Variants in CDH15 observed in about 807,000 individuals in gnomAD.
The protein encoded by CDH15 is cadherin 15.
In CDH15, 73 loss-of-function variants were observed where a neutral mutation model predicts 69.4. The ratio of observed to expected loss-of-function variants is 1.05; its 90% CI spans 0.87 to 1.28. The LOEUF is 1.28. Among genes scored for constraint, CDH15 ranks in the 50% most tolerant of loss-of-function variants. CDH15 has a pLI of 0.00. For synonymous variants in CDH15, 624 were observed against 507.7 expected (o/e 1.23, Z -3.08); for missense variants, 1,343 against 1,133.6 (o/e 1.18, Z -2.65).
At chr16:89,175,958 G>A (rs72819354) in intron 1 of CDH15, among the ~76,000 whole-genome samples, 6,819 of 152,344 alleles carry the variant, frequency 0.045, 285 homozygotes, top group East Asian at 0.17. Context: ...TGCCTGTGGG[G>A]ACCTCTGTGT....
chr16:89,186,739 C>T (rs565452903), intron 5 of CDH15, among the ~76,000 whole-genome samples: 17 of 148,720 alleles, frequency 1.1e-4, no homozygotes, highest in African/African-American at 3.7e-4. Flanking sequence ...GCTCACCCAG[C>T]GCACAGAAGG....
intron 1 of CDH15, among the ~76,000 whole-genome samples, chr16:89,175,766 C>A (rs956075015): frequency 6.6e-6 from 1 of 152,226 alleles, no homozygotes; most frequent in South Asian, 2.1e-4. Context: ...CAGAGAGCTT[C>A]CCCGGCAGGG....
chr16:89,178,291 T>A (rs1215620956), intron 1 of CDH15, among the ~76,000 whole-genome samples: 1 of 152,002 alleles, frequency 6.6e-6, no homozygotes. Context: ...GCACAGCATC[T>A]CCCTCTGCAC....
At position 89,191,672 on chromosome 16, in the gene CDH15, G is replaced by A. The variant is rs907794694; in HGVS notation, c.1393G>A (p.Ala465Thr). 3.8e-6 allele frequency: 6 copies of A among 1,594,466 alleles called. No individual in the cohort carries two copies. Among genetic ancestry groups the A allele is most frequent in the South Asian group, 1.1e-5 (1 of 89,866 alleles). The change falls in exon 10 of 14, where the codon GCC becomes ACC. Residue 465 changes from alanine to threonine, a missense_variant. Physicochemically the swap from Ala to Thr is moderately conservative, Grantham distance 58. Transcript: ENST00000289746. The stretch of plus-strand genomic sequence containing the variant: ...GCCTGCAGCCTCCCAGCCCCGCACC[G>A]CCACCGGCACCCTGTCCATCGAGAT... ...AQDDASQPRT[A>T]TGTLSIEILE...
intron 1 of CDH15, among the ~76,000 whole-genome samples, chr16:89,178,792 C>T (rs557808834): frequency 2.6e-5 from 4 of 152,332 alleles, no homozygotes; most frequent in South Asian, 2.1e-4. Flanking sequence ...GGTTCAGTTC[C>T]CACAAAGCAG....
Position 89,188,257 on chromosome 16 carries a change from C to G in CDH15, c.950C>G (p.Thr317Ser). 2 of 1,613,480 alleles carry G rather than the reference C, an allele frequency of 1.2e-6. No homozygotes were observed. Among genetic ancestry groups the G allele is most frequent in the Non-Finnish European group, 1.7e-6 (2 of 1,179,938 alleles). ...TTCACCATCCGCACGGACCCCAAGA[C>G]CAACGAGGGTGTTCTGTCCATTGTG... ...GQFTIRTDPK[T>S]NEGVLSIVKA... is the part of the protein sequence containing the mutation. The change falls in exon 7 of 14, where the codon ACC becomes AGC. Residue 317 changes from threonine (T) to serine (S), a missense_variant. Thr to Ser is a moderately conservative substitution (Grantham distance 58). Coordinates refer to ENST00000289746, the MANE Select transcript of CDH15 (RefSeq NM_004933.3).
At chr16:89,192,947 C>G (rs1485952995) in intron 11 of CDH15, among the ~76,000 whole-genome samples, 2 of 133,124 alleles carry the variant, frequency 1.5e-5, no homozygotes, top group African/African-American at 6.0e-5. Context: ...AGTTCCACCT[C>G]CTCCGCAACA....
chr16:89,192,190 A>C lies in CDH15; in HGVS notation c.1616-15A>C. ...GCCTCGGGAGGCCCTCGCTCACCAC[A>C]GGCGCCCTCCGCAGTGAGCCACGCG... On this transcript the variant is annotated splice_polypyrimidine_tract_variant and intron_variant, in intron 10 of 13. Transcript: ENST00000289746. 1 of 1,527,668 alleles carries C rather than the reference A, an allele frequency of 6.5e-7. No homozygotes were observed. Among genetic ancestry groups the C allele is most frequent in the Non-Finnish European group, 8.7e-7 (1 of 1,143,572 alleles). The allele number at this position is 1,527,668 out of a possible 1,614,324, so 94.6% of individuals were successfully genotyped here. A position where few individuals can be genotyped will look rare whatever the true frequency, so the allele number is the denominator to read the frequency against.
intron 3 of CDH15, among the ~76,000 whole-genome samples, chr16:89,180,913 C>T (rs1184653618): frequency 2.7e-5 from 4 of 148,704 alleles, no homozygotes; most frequent in African/African-American, 5.0e-5. Flanking sequence ...TTAGTAGAGA[C>T]GGGGTTTCAC....
intron 4 of CDH15, among the ~76,000 whole-genome samples, chr16:89,184,145 C>A (rs1475975356): frequency 1.3e-5 from 2 of 152,214 alleles, no homozygotes; most frequent in Non-Finnish European, 2.9e-5. Context: ...AAGGCACAGG[C>A]CCCCTCGTGT....
chr16:89,175,779 C>G (rs1915244039), intron 1 of CDH15, among the ~76,000 whole-genome samples: 1 of 152,208 alleles, frequency 6.6e-6, no homozygotes, highest in Non-Finnish European at 1.5e-5. Flanking sequence ...CGGCAGGGTC[C>G]CCTGCCTGGG....
chr16:89,195,246 CT>C lies in CDH15; in HGVS notation c.*92del. 7.4e-7 allele frequency: 1 copy of C among 1,343,224 alleles called. No homozygotes were observed. 83.2% of individuals were successfully genotyped at this position (1,343,224 alleles called of 1,614,324 possible). The stretch of plus-strand genomic sequence containing the variant: ...CCTGAGGTCACCGGGCCCGACCCCC[CT>C]GGGCCTGGGGCAGCCTCCTTCCTGT... On this transcript the variant is annotated 3_prime_UTR_variant, in exon 14 of 14. Coordinates refer to ENST00000289746, the MANE Select transcript of CDH15 (RefSeq NM_004933.3).
chr16:89,181,153 G>C (rs1452209869), intron 3 of CDH15, among the ~76,000 whole-genome samples: 1 of 152,084 alleles, frequency 6.6e-6, no homozygotes, highest in Non-Finnish European at 1.5e-5. Context: ...ATTTTTAGTA[G>C]AGATGGGGTT....
intron 8 of CDH15, 58 bp from the exon 9 acceptor site, chr16:89,191,272 C>G: frequency 6.2e-7 from 1 of 1,609,004 alleles, no homozygotes; most frequent in Non-Finnish European, 8.5e-7. Flanking sequence ...CATACCTGAC[C>G]ACACCTGTGG....
chr16:89,179,626 T>G (rs772607179), intron 2 of CDH15, 52 bp downstream of exon 2: 1 of 1,495,310 alleles, frequency 6.7e-7, no homozygotes, highest in Non-Finnish European at 9.0e-7. Flanking sequence ...TGGTCCCCAG[T>G]GGGCCTCCCT....
intron 10 of CDH15, 68 bp downstream of exon 10, chr16:89,191,962 G>A (rs1465478307): frequency 3.5e-6 from 5 of 1,441,560 alleles, no homozygotes; most frequent in East Asian, 2.5e-5. Flanking sequence ...TCCGGCCTCG[G>A]ACGGGGGCAG....
chr16:89,187,405 T>G (rs1182994281), intron 5 of CDH15, 24 bp from the exon 6 acceptor site: 3 of 1,611,726 alleles, frequency 1.9e-6, no homozygotes, highest in Non-Finnish European at 2.5e-6. Context: ...CCTCATCTTC[T>G]GACCCTGTGC....
At chr16:89,183,877 A>C (rs756807209) in intron 4 of CDH15, among the ~76,000 whole-genome samples, 185 bp downstream of exon 4, 1 of 152,082 alleles carries the variant, frequency 6.6e-6, no homozygotes, top group Non-Finnish European at 1.5e-5. Flanking sequence ...ATAAATTTCA[A>C]ACCCAAAAAT....
At chr16:89,184,625 A>G (rs955596954) in intron 4 of CDH15, among the ~76,000 whole-genome samples, 1 of 151,606 alleles carries the variant, frequency 6.6e-6, no homozygotes, top group Non-Finnish European at 1.5e-5. Context: ...CTGCCCTTGC[A>G]TCCTCTGTCT....
Sources: allele counts gnomAD v4.1 joint callset (sites outside exome capture counted in the v4.1 genomes callset), GRCh38; gene constraint gnomAD v4.1.1; transcripts MANE v1.5; gene names NCBI Gene and HGNC (gene_info 2026-07-23, HGNC 2026-07-21).